SGK1: variants seen among roughly 807,000 people sequenced by gnomAD.
The protein encoded by SGK1 is serine/threonine-protein kinase Sgk1.
Under a neutral mutation model 64.2 loss-of-function variants are expected in SGK1, and 26 were observed. The ratio of observed to expected loss-of-function variants is 0.40; its 90% CI spans 0.30 to 0.56. The LOEUF (loss-of-function observed/expected upper bound fraction) is 0.56. Ranked by LOEUF, SGK1 falls within the 20% of genes least tolerant of loss-of-function variation. The pLI is 0.38. For missense variants in SGK1, 519 were observed against 645.6 expected (o/e 0.80, Z 2.12); for synonymous variants, 265 against 239.7 (o/e 1.11, Z -0.98).
At chr6:134,226,060 C>A (rs1582725833) in intron 2 of SGK1, among the ~76,000 whole-genome samples, 1 of 151,904 alleles carries the variant, frequency 6.6e-6, no homozygotes, top group East Asian at 1.9e-4. Flanking sequence ...CTGCAGTGAG[C>A]CAAAATCCTG....
chr6:134,254,674 T>G (rs1397964639), intron 2 of SGK1, among the ~76,000 whole-genome samples: 1 of 152,232 alleles, frequency 6.6e-6, no homozygotes, highest in South Asian at 2.1e-4. Flanking sequence ...TCATTTGATA[T>G]ACATACTTCC....
Position 134,206,945 on chromosome 6 carries a change from G to C in SGK1, c.361+411C>G, listed in dbSNP as rs192107115. On this transcript the variant is annotated intron_variant, in intron 3 of 13. Coordinates refer to ENST00000367858, the MANE Select transcript of SGK1 (RefSeq NM_001143676.3). ...GGTTAGGTAAGAATAAATAAACAAG[G>C]CCGGGCGCGGTGGCTCACGCCTGTA... Among the ~76,000 whole-genome samples, 4 of 150,436 alleles carry C rather than the reference G, an allele frequency of 2.7e-5. No homozygotes were observed. The Admixed American group carries it at 2.7e-4, about 10-fold the overall frequency.
At chr6:134,185,375 T>C (rs1743961) in intron 3 of SGK1, among the ~76,000 whole-genome samples, 100,058 of 151,968 alleles carry the variant, frequency 0.66, 33,315 homozygotes, top group African/African-American at 0.7. Context: ...CTCTACACAA[T>C]GATAAGGACT....
At chr6:134,285,632 C>A (rs1368773963) in intron 1 of SGK1, among the ~76,000 whole-genome samples, 1 of 151,146 alleles carries the variant, frequency 6.6e-6, no homozygotes, top group African/African-American at 2.4e-5. Flanking sequence ...ATTAGTGATG[C>A]TGAGCATTTT....
At chr6:134,249,667 G>C (rs532202373) in intron 2 of SGK1, 1 of 152,188 alleles carries the variant, frequency 6.6e-6, no homozygotes, top group Non-Finnish European at 1.5e-5. Flanking sequence ...TTACTGCCAA[G>C]CTTATGATAG....
At chr6:134,271,162 T>A (rs1776934958) in intron 1 of SGK1, among the ~76,000 whole-genome samples, 1 of 131,624 alleles carries the variant, frequency 7.6e-6, no homozygotes, top group African/African-American at 2.5e-5. Flanking sequence ...CTACTAAAAA[T>A]ACAAAAATTA....
chr6:134,276,093 G>A (rs1777013421), intron 1 of SGK1, among the ~76,000 whole-genome samples: 1 of 152,104 alleles, frequency 6.6e-6, no homozygotes, highest in Admixed American at 6.6e-5. Flanking sequence ...TTTTCTGTCT[G>A]TGTTCACTTT....
intron 1 of SGK1, among the ~76,000 whole-genome samples, chr6:134,280,702 G>A (rs903937876): frequency 2.6e-5 from 4 of 152,128 alleles, no homozygotes; most frequent in Admixed American, 2.0e-4. Flanking sequence ...TTGCATGCAT[G>A]ACACTGTTCA....
chr6:134,193,592 T>C (rs1223220747), intron 3 of SGK1, among the ~76,000 whole-genome samples: 2 of 150,664 alleles, frequency 1.3e-5, no homozygotes, highest in Non-Finnish European at 2.9e-5. Context: ...TTCTTTGTTC[T>C]GTTCTCTCTT....
intron 1 of SGK1, 101 bp from the exon 2 acceptor site, chr6:134,262,249 G>T: frequency 1.3e-6 from 1 of 780,488 alleles, no homozygotes; most frequent in Non-Finnish European, 2.1e-6. Flanking sequence ...GCTCATGAAA[G>T]GAGAACTCGG....
intron 4 of SGK1, 76 bp downstream of exon 4, chr6:134,174,435 A>G (rs1302075283): frequency 9.4e-7 from 1 of 1,062,514 alleles, no homozygotes; most frequent in Admixed American, 2.0e-5. Flanking sequence ...CTTCCCGATA[A>G]ACGCCGTGAT....
chr6:134,298,372 A>T, intron 1 of SGK1: 1 of 1,504,376 alleles, frequency 6.6e-7, no homozygotes, highest in Non-Finnish European at 9.2e-7. Flanking sequence ...CAGGAACCGT[A>T]CCTTGCCTAT....
chr6:134,187,830 C>T (rs1775447722), intron 3 of SGK1, among the ~76,000 whole-genome samples: 1 of 152,176 alleles, frequency 6.6e-6, no homozygotes, highest in Non-Finnish European at 1.5e-5. Flanking sequence ...TAAGTGTCTA[C>T]TGCAGTAAGG....
chr6:134,258,670 G>A (rs1039215783), intron 2 of SGK1, among the ~76,000 whole-genome samples: 26 of 152,200 alleles, frequency 1.7e-4, no homozygotes, highest in African/African-American at 3.9e-4. Flanking sequence ...GCGCCACTGC[G>A]CTTTCCAGCC....
intron 1 of SGK1, among the ~76,000 whole-genome samples, chr6:134,303,793 A>AG (rs1222192840): frequency 2.0e-5 from 3 of 147,616 alleles, no homozygotes; most frequent in African/African-American, 7.7e-5. Context: ...CCAAGAAAAA[A>AG]AAAAAGAAAA....
intron 5 of SGK1, 161 bp from the exon 6 acceptor site, chr6:134,173,727 A>G: frequency 1.6e-6 from 1 of 621,054 alleles, no homozygotes; most frequent in East Asian, 2.8e-5. Context: ...TCAAATGAGT[A>G]TGGAAACTGC....
At chr6:134,242,954 C>T (rs1205418771) in intron 2 of SGK1, among the ~76,000 whole-genome samples, 2 of 151,378 alleles carry the variant, frequency 1.3e-5, no homozygotes, top group African/African-American at 2.4e-5. Flanking sequence ...ACCTATTTAG[C>T]TTATGCCTTT....
intron 2 of SGK1, among the ~76,000 whole-genome samples, chr6:134,249,793 G>A (rs1393062473): frequency 2.0e-5 from 3 of 152,196 alleles, no homozygotes; most frequent in Non-Finnish European, 2.9e-5. Context: ...TACCTGAAAG[G>A]TCTGCTTTCA....
At chr6:134,173,830 A>G (rs972238705) in intron 5 of SGK1, 175 bp downstream of exon 5, 6 of 602,016 alleles carry the variant, frequency 1.0e-5, no homozygotes, top group African/African-American at 5.6e-5. Flanking sequence ...CCAGGAAAAA[A>G]ATAAAATAAT....
Sources: gnomAD v4.1 joint callset for allele counts (sites outside exome capture counted in the v4.1 genomes callset) on GRCh38, gnomAD v4.1.1 for gene constraint, MANE v1.5 for transcripts, NCBI Gene and HGNC (gene_info 2026-07-23, HGNC 2026-07-21) for gene names.